Variants in SLC8A1 observed in about 807,000 individuals in gnomAD.
SLC8A1 encodes the protein solute carrier family 8 member A1.
In SLC8A1, 18 loss-of-function variants were observed where a neutral mutation model predicts 68.3. The observed-to-expected ratio is 0.26, with a 90% CI of 0.18 to 0.39. SLC8A1 has a LOEUF of 0.39. Among genes scored for constraint, SLC8A1 ranks in the 10% least tolerant of loss-of-function variants. SLC8A1 has a pLI of 1.00. For missense variants in SLC8A1, 985 were observed against 1,156.7 expected (o/e 0.85, Z 2.15); for synonymous variants, 475 against 415.5 (o/e 1.14, Z -1.74).
intron 2 of SLC8A1, among the ~76,000 whole-genome samples, chr2:40,214,435 C>CT (rs34050040): frequency 0.12 from 16,900 of 141,284 alleles, 1,039 homozygotes; most frequent in Non-Finnish European, 0.14. Context: ...TGTACACTAT[C>CT]TTTTTTTTTT....
intron 2 of SLC8A1, among the ~76,000 whole-genome samples, chr2:40,379,797 C>G (rs564484071): frequency 1.3e-5 from 2 of 152,184 alleles, no homozygotes; most frequent in African/African-American, 2.4e-5. Context: ...ATCTTCAAAA[C>G]TTGCCACTGA....
At chr2:40,181,372 G>C (rs1651354) in intron 2 of SLC8A1, among the ~76,000 whole-genome samples, 1 of 152,100 alleles carries the variant, frequency 6.6e-6, no homozygotes, top group Non-Finnish European at 1.5e-5. Context: ...CATATCCCTA[G>C]TCATAGGATC....
chr2:40,252,985 GTATA>G (rs1217408872), intron 2 of SLC8A1, among the ~76,000 whole-genome samples: 1 of 138,840 alleles, frequency 7.2e-6, no homozygotes, highest in African/African-American at 2.7e-5. Flanking sequence ...ATATGTATCT[GTATA>G]TATGTATATA....
intron 2 of SLC8A1, among the ~76,000 whole-genome samples, chr2:40,306,763 C>T (rs2072694362): frequency 6.6e-6 from 1 of 152,108 alleles, no homozygotes; most frequent in Admixed American, 6.6e-5. Flanking sequence ...GAAGTCAAGG[C>T]CAGGCTCCAC....
At chr2:40,197,760 C>CT (rs1373911491) in intron 2 of SLC8A1, among the ~76,000 whole-genome samples, 2 of 151,966 alleles carry the variant, frequency 1.3e-5, no homozygotes, top group Non-Finnish European at 2.9e-5. Context: ...CTTGCTACAC[C>CT]TTTTCTCCAC....
chr2:40,250,533 G>GTGTC (rs1366449280), intron 2 of SLC8A1: 18 of 152,228 alleles, frequency 1.2e-4, no homozygotes, highest in Middle Eastern at 6.8e-3. Context: ...TGGGGGGGCG[G>GTGTC]TGTCAGGAGA....
chr2:40,155,410 T>C (rs1200466399), intron 6 of SLC8A1, among the ~76,000 whole-genome samples: 1 of 152,208 alleles, frequency 6.6e-6, no homozygotes, highest in African/African-American at 2.4e-5. Context: ...ATTACAGGCA[T>C]GAGCCACCGT....
At chr2:40,236,944 C>G (rs1401994408) in intron 2 of SLC8A1, among the ~76,000 whole-genome samples, 1 of 152,126 alleles carries the variant, frequency 6.6e-6, no homozygotes, top group Non-Finnish European at 1.5e-5. Flanking sequence ...TCTCTTCTGG[C>G]TTGTAGGGTT....
At chr2:40,355,874 T>C (rs1361147740) in intron 2 of SLC8A1, among the ~76,000 whole-genome samples, 3 of 152,204 alleles carry the variant, frequency 2.0e-5, no homozygotes, top group Non-Finnish European at 2.9e-5. Flanking sequence ...TAACATTTCC[T>C]GGGGTGTTCT....
chr2:40,257,202 A>T (rs1285687387), intron 2 of SLC8A1, among the ~76,000 whole-genome samples: 1 of 152,130 alleles, frequency 6.6e-6, no homozygotes, highest in East Asian at 1.9e-4. Context: ...ATCTTAGCTC[A>T]TTGGAAAAAA....
chr2:40,388,494 C>A (rs1325085437), intron 2 of SLC8A1, among the ~76,000 whole-genome samples: 4 of 152,072 alleles, frequency 2.6e-5, no homozygotes, highest in Non-Finnish European at 5.9e-5. Flanking sequence ...ATGAGAAGGA[C>A]CCATTTAAAA....
chr2:40,377,623 T>C (rs1210702357), intron 2 of SLC8A1, among the ~76,000 whole-genome samples: 1 of 152,074 alleles, frequency 6.6e-6, no homozygotes, highest in Non-Finnish European at 1.5e-5. Context: ...TTTTCTCAAG[T>C]AATTTAAAAT....
intron 2 of SLC8A1, among the ~76,000 whole-genome samples, chr2:40,332,963 T>C (rs2076568959): frequency 6.6e-6 from 1 of 152,362 alleles, no homozygotes; most frequent in East Asian, 1.9e-4. Flanking sequence ...CTATTTTCCT[T>C]TCTGCACAAT....
At chr2:40,497,578 G>C (rs1310818619) in intron 1 of SLC8A1, among the ~76,000 whole-genome samples, 1 of 151,796 alleles carries the variant, frequency 6.6e-6, no homozygotes, top group Non-Finnish European at 1.5e-5. Flanking sequence ...AAGTGAAAAA[G>C]GAGGGAAAAA....
Position 40,275,224 on chromosome 2 carries a change from C to T in SLC8A1, c.1809-97369G>A, listed in dbSNP as rs189947690. On this transcript the variant is annotated intron_variant, in intron 2 of 7. Coordinates refer to ENST00000406785, the Ensembl canonical transcript of SLC8A1. ...CAGATGACTGAGTAATCTGTATATACCTTTGCAGGTAAGTAACTAATTATG... is the reference window on the plus strand; with the variant it reads ...CAGATGACTGAGTAATCTGTATATATCTTTGCAGGTAAGTAACTAATTATG... Among the ~76,000 whole-genome samples the T allele has an allele frequency of 3.9e-5, 6 of 152,184 alleles. No individual in the cohort carries two copies. In the East Asian group the frequency reaches 1.2e-3, roughly 29 times the overall value.
At chr2:40,494,237 T>A (rs866820749) in intron 1 of SLC8A1, among the ~76,000 whole-genome samples, 25 of 152,152 alleles carry the variant, frequency 1.6e-4, no homozygotes, top group African/African-American at 4.8e-4. Flanking sequence ...TTCTCCTCAA[T>A]CCAATAGCTT....
intron 2 of SLC8A1, among the ~76,000 whole-genome samples, chr2:40,238,433 C>G (rs906549029): frequency 3.6e-3 from 68 of 18,902 alleles, no homozygotes; most frequent in Non-Finnish European, 3.8e-4. Flanking sequence ...TTGCACTTCC[C>G]AAGTGAGGCA....
chr2:40,246,863 G>A (rs1281593916), intron 2 of SLC8A1, among the ~76,000 whole-genome samples: 1 of 152,116 alleles, frequency 6.6e-6, no homozygotes, highest in South Asian at 2.1e-4. Flanking sequence ...AAGGAAAATG[G>A]TTAGATGTGA....
chr2:40,146,076 T>C (rs1230890654), intron 6 of SLC8A1, among the ~76,000 whole-genome samples: 1 of 152,310 alleles, frequency 6.6e-6, no homozygotes, highest in East Asian at 1.9e-4. Context: ...CAACAACTTT[T>C]CTTCTAAGTA....
Sources: gnomAD v4.1 joint callset for allele counts (sites outside exome capture counted in the v4.1 genomes callset) on GRCh38, gnomAD v4.1.1 for gene constraint, MANE v1.5 for transcripts, NCBI Gene and HGNC (gene_info 2026-07-23, HGNC 2026-07-21) for gene names.